The following CABIN1 variants were observed in gnomAD, a reference collection of about 807,000 sequenced individuals.
CABIN1 encodes calcineurin-binding protein cabin-1.
In CABIN1, 133 loss-of-function variants were observed where a neutral mutation model predicts 227.7. That is an observed-to-expected ratio of 0.58 (90% CI 0.51 to 0.67). The LOEUF (loss-of-function observed/expected upper bound fraction) is 0.67, where lower values mean the gene tolerates loss of function less well. Ranked by LOEUF, CABIN1 falls within the 30% of genes least tolerant of loss-of-function variation. CABIN1 has a pLI of 0.00. For synonymous variants in CABIN1, 1,086 were observed against 1,155.1 expected (o/e 0.94, Z 1.21); for missense variants, 2,408 against 2,852.5 (o/e 0.84, Z 3.55).
intron 29 of CABIN1, among the ~76,000 whole-genome samples, chr22:24,150,120 C>T (rs557748759): frequency 5.9e-5 from 9 of 152,320 alleles, no homozygotes; most frequent in South Asian, 2.1e-4. Context: ...AACTGTGCTT[C>T]GGGAAACAGT....
chr22:24,061,285 G>A (rs2039173154), intron 12 of CABIN1, among the ~76,000 whole-genome samples: 1 of 152,204 alleles, frequency 6.6e-6, no homozygotes, highest in Non-Finnish European at 1.5e-5. Flanking sequence ...TGTTGGAGGT[G>A]GGACACTGAA....
At chr22:24,071,184 G>C in intron 17 of CABIN1, 142 bp downstream of exon 17, 1 of 1,175,654 alleles carries the variant, frequency 8.5e-7, no homozygotes. Flanking sequence ...GAACTTTCGG[G>C]ATCTGAGGAG....
chr22:24,076,499 T>C (rs1311210780), intron 19 of CABIN1, among the ~76,000 whole-genome samples: 2 of 152,112 alleles, frequency 1.3e-5, no homozygotes, highest in South Asian at 2.1e-4. Context: ...AAAGTTCCCT[T>C]GTGTACCTGA....
intron 29 of CABIN1, chr22:24,156,134 G>T: frequency 5.0e-6 from 2 of 398,334 alleles, no homozygotes; most frequent in Non-Finnish European, 8.9e-6. Flanking sequence ...GCCGGGGCTG[G>T]GGCTGCGCAA....
At chr22:24,068,271 T>G (rs1237604666) in intron 16 of CABIN1, among the ~76,000 whole-genome samples, 2 of 152,106 alleles carry the variant, frequency 1.3e-5, no homozygotes, top group African/African-American at 4.8e-5. Context: ...CAAGCCAAGA[T>G]CAGCGGATGA....
intron 1 of CABIN1, among the ~76,000 whole-genome samples, chr22:24,019,475 G>T (rs952720737): frequency 2.0e-5 from 3 of 150,988 alleles, no homozygotes; most frequent in African/African-American, 7.3e-5. Flanking sequence ...GGATGGTCTC[G>T]AACTGCTGAC....
chr22:24,072,261 C>G, intron 17 of CABIN1, 93 bp from the exon 18 acceptor site: 1 of 1,378,744 alleles, frequency 7.3e-7, no homozygotes, highest in Non-Finnish European at 1.0e-6. Flanking sequence ...CAGCACATAC[C>G]AGCTCCCCAA....
Position 24,070,989 on chromosome 22 carries a change from A to C in CABIN1, c.2422A>C (p.Lys808Gln). 1 of 1,614,174 alleles carries C rather than the reference A, an allele frequency of 6.2e-7. No homozygotes were observed. Among genetic ancestry groups the C allele is most frequent in the Non-Finnish European group, 8.5e-7 (1 of 1,180,026 alleles). The change falls in exon 17 of 37, where the codon AAG (lysine) becomes CAG (glutamine). Residue 808 changes from lysine to glutamine, a missense_variant. Around this residue, in one of 3 missense-constraint regions of CABIN1, gnomAD observed 1,045 missense variants for 1,168.4 expected, o/e 0.89. Transcript: ENST00000263119. ...LSADSSGSILKVSSSTTGLVR... is the reference protein window; with the variant it reads ...LSADSSGSILQVSSSTTGLVR... Reference sequence around the variant, plus strand: ...TGCGGACAGCAGTGGTAGCATCCTGAAGGTATCATCCTCCACCACTGGCCT... The same window carrying C: ...TGCGGACAGCAGTGGTAGCATCCTGCAGGTATCATCCTCCACCACTGGCCT...
intron 29 of CABIN1, among the ~76,000 whole-genome samples, chr22:24,157,641 C>T (rs1201056454): frequency 1.3e-5 from 2 of 152,180 alleles, no homozygotes; most frequent in African/African-American, 4.8e-5. Context: ...ACACGCCCCA[C>T]GCCATCCCCT....
At chr22:24,060,824 C>T (rs948880018) in intron 12 of CABIN1, among the ~76,000 whole-genome samples, 1 of 150,940 alleles carries the variant, frequency 6.6e-6, no homozygotes, top group Non-Finnish European at 1.5e-5. Context: ...GGTGTGAACC[C>T]GGGAGGCGGA....
At chr22:24,166,543 TG>T in intron 31 of CABIN1, 95 bp from the exon 32 acceptor site, 2 of 1,470,576 alleles carry the variant, frequency 1.4e-6, no homozygotes, top group Non-Finnish European at 1.9e-6. Context: ...AGATGTCAGG[TG>T]GGAGAGGCCC....
chr22:24,084,810 G>C, intron 21 of CABIN1, 25 bp downstream of exon 21: 3 of 1,609,716 alleles, frequency 1.9e-6, no homozygotes, highest in Non-Finnish European at 2.6e-6. Flanking sequence ...TTGAGGACGT[G>C]GGGGACAGGG....
intron 6 of CABIN1, among the ~76,000 whole-genome samples, chr22:24,044,210 C>G (rs1026766779): frequency 3.9e-5 from 6 of 152,168 alleles, no homozygotes; most frequent in Non-Finnish European, 7.3e-5. Context: ...CTAGCCCTAG[C>G]CTCTTGGTCT....
chr22:24,152,918 C>G (rs1353123405), intron 29 of CABIN1, among the ~76,000 whole-genome samples: 2 of 145,984 alleles, frequency 1.4e-5, no homozygotes, highest in African/African-American at 5.1e-5. Context: ...CCACTGCACT[C>G]CAGCTTGGGC....
intron 8 of CABIN1, among the ~76,000 whole-genome samples, chr22:24,054,624 T>C: frequency 6.6e-6 from 1 of 152,218 alleles, no homozygotes; most frequent in East Asian, 1.9e-4. Context: ...GGGCTTCTGC[T>C]GCAGTGAGGG....
intron 26 of CABIN1, among the ~76,000 whole-genome samples, chr22:24,106,933 G>T (rs759492636): frequency 2.0e-4 from 30 of 152,190 alleles, no homozygotes; most frequent in South Asian, 6.2e-4. Flanking sequence ...TGAAATCAGG[G>T]TCATTTTAAA....
chr22:24,131,261 A>C (rs1011112853), intron 28 of CABIN1, among the ~76,000 whole-genome samples: 2 of 152,230 alleles, frequency 1.3e-5, no homozygotes, highest in African/African-American at 2.4e-5. Flanking sequence ...CTGCCACTTA[A>C]AGAGGTCTTC....
At chr22:24,092,140 A>G (rs1397619277) in intron 24 of CABIN1, 2 of 461,516 alleles carry the variant, frequency 4.3e-6, no homozygotes, top group African/African-American at 3.9e-5. Flanking sequence ...AGTCAGTGCT[A>G]CATAGCATCT....
At chr22:24,070,065 C>CAAAAA (rs66725021) in intron 16 of CABIN1, among the ~76,000 whole-genome samples, 4 of 115,404 alleles carry the variant, frequency 3.5e-5, no homozygotes, top group African/African-American at 1.3e-4. Flanking sequence ...TATTCTAGGC[C>CAAAAA]AAAAAAAAAA....
Sources: allele counts gnomAD v4.1 joint callset (sites outside exome capture counted in the v4.1 genomes callset), GRCh38; gene constraint gnomAD v4.1.1; regional missense constraint gnomAD v4.1.1; transcripts MANE v1.5; gene names NCBI Gene and HGNC (gene_info 2026-07-23, HGNC 2026-07-21).